RPS6KC1: variants seen among roughly 807,000 people sequenced by gnomAD.
The protein encoded by RPS6KC1 is ribosomal protein S6 kinase C1, also known as inactive ribosomal protein S6 kinase delta-1.
In RPS6KC1, 54 loss-of-function variants were observed where a neutral mutation model predicts 103.8. The ratio of observed to expected loss-of-function variants is 0.52; its 90% confidence interval spans 0.42 to 0.65. The LOEUF (loss-of-function observed/expected upper bound fraction) is 0.65, where lower values mean the gene tolerates loss of function less well. Among genes scored for constraint, RPS6KC1 ranks in the 30% least tolerant of loss-of-function variants. The probability of loss-of-function intolerance (pLI) is 0.00; values close to 1 mark genes in which losing one functional copy is unlikely to be tolerated. For synonymous variants in RPS6KC1, 439 were observed against 438.7 expected (o/e 1.00, Z -0.01); for missense variants, 1,151 against 1,253.8 (o/e 0.92, Z 1.24).
At chr1:213,149,304 T>G (rs2088313994) in intron 6 of RPS6KC1, among the ~76,000 whole-genome samples, 1 of 152,220 alleles carries the variant, frequency 6.6e-6, no homozygotes, top group African/African-American at 2.4e-5. Flanking sequence ...AACTTCCCTC[T>G]CAGTATTGCT....
At chr1:213,480,430 C>T in the RPS6KC1 span, among the ~76,000 whole-genome samples, 1 of 152,012 alleles carries the variant, frequency 6.6e-6, no homozygotes, top group Non-Finnish European at 1.5e-5. Context: ...AATTGGTTAT[C>T]ACTTGTGGTC....
intron 3 of RPS6KC1, among the ~76,000 whole-genome samples, chr1:213,084,117 TCTCA>T (rs2080158712): frequency 6.6e-6 from 1 of 152,140 alleles, no homozygotes; most frequent in Non-Finnish European, 1.5e-5. Context: ...CTGGTGTCTC[TCTCA>T]CTCTTTCTCC....
intron 6 of RPS6KC1, among the ~76,000 whole-genome samples, chr1:213,148,493 A>T (rs1289237613): frequency 6.6e-6 from 1 of 152,154 alleles, no homozygotes; most frequent in Non-Finnish European, 1.5e-5. Flanking sequence ...TGATTTGCAT[A>T]TGTTGAGCCA....
the RPS6KC1 span, among the ~76,000 whole-genome samples, chr1:213,414,370 G>A: frequency 6.6e-6 from 1 of 152,146 alleles, no homozygotes; most frequent in Non-Finnish European, 1.5e-5. Context: ...ATATAATTAA[G>A]GTAAGGATCA....
the RPS6KC1 span, among the ~76,000 whole-genome samples, chr1:213,666,686 A>T: frequency 1.3e-5 from 2 of 152,258 alleles, no homozygotes; most frequent in Non-Finnish European, 1.5e-5. Flanking sequence ...CACCAAATAC[A>T]CAAAAGCAGG....
At chr1:213,481,056 A>G in the RPS6KC1 span, among the ~76,000 whole-genome samples, 1 of 152,048 alleles carries the variant, frequency 6.6e-6, no homozygotes, top group Non-Finnish European at 1.5e-5. Flanking sequence ...TTCATTTGTG[A>G]GATTGGTCTA....
the RPS6KC1 span, among the ~76,000 whole-genome samples, chr1:213,788,566 T>C: frequency 0.01 from 1,589 of 152,156 alleles, 96 homozygotes; most frequent in East Asian, 0.19. Context: ...GGCACACATT[T>C]ATCAGTTCCA....
At chr1:213,257,919 T>C (rs1337126597) in intron 12 of RPS6KC1, among the ~76,000 whole-genome samples, 4 of 144,672 alleles carry the variant, frequency 2.8e-5, no homozygotes, top group Non-Finnish European at 6.0e-5. Flanking sequence ...TCCTCCTATC[T>C]CAGCCTCCCA....
chr1:213,624,787 G>T, the RPS6KC1 span, among the ~76,000 whole-genome samples: 1 of 152,108 alleles, frequency 6.6e-6, no homozygotes, highest in African/African-American at 2.4e-5. Flanking sequence ...GCTCTCTGGG[G>T]TCTCTTTTAT....
the RPS6KC1 span, among the ~76,000 whole-genome samples, chr1:213,724,522 A>G: frequency 6.6e-6 from 1 of 152,186 alleles, no homozygotes; most frequent in Non-Finnish European, 1.5e-5. Context: ...CTGGCAGCAA[A>G]CAAGGGCCAT....
At chr1:213,356,806 T>A in the RPS6KC1 span, among the ~76,000 whole-genome samples, 2 of 152,228 alleles carry the variant, frequency 1.3e-5, no homozygotes, top group South Asian at 4.1e-4. Flanking sequence ...TGGGGTGGCC[T>A]GCTTTCAGGA....
At chr1:213,361,672 G>A in the RPS6KC1 span, among the ~76,000 whole-genome samples, 2 of 152,192 alleles carry the variant, frequency 1.3e-5, no homozygotes, top group African/African-American at 2.4e-5. Flanking sequence ...TTCCTATTCG[G>A]CCATCTTGGA....
At chr1:213,226,627 C>T (rs986206859) in intron 8 of RPS6KC1, among the ~76,000 whole-genome samples, 1 of 152,168 alleles carries the variant, frequency 6.6e-6, no homozygotes, top group African/African-American at 2.4e-5. Flanking sequence ...ATTATGAACT[C>T]TGTGCAATCT....
At chr1:213,290,158 A>AAG in the RPS6KC1 span, among the ~76,000 whole-genome samples, 1 of 151,552 alleles carries the variant, frequency 6.6e-6, no homozygotes, top group Non-Finnish European at 1.5e-5. Flanking sequence ...AAAAAAAAAA[A>AAG]AAAAAAAAAA....
the RPS6KC1 span, among the ~76,000 whole-genome samples, chr1:213,424,059 G>A: frequency 4.6e-5 from 7 of 152,290 alleles, no homozygotes; most frequent in South Asian, 1.0e-3. Flanking sequence ...AAGATGGTCC[G>A]GGATTGTTCT....
At chr1:213,147,463 C>T (rs1055621927) in intron 6 of RPS6KC1, among the ~76,000 whole-genome samples, 24 of 152,154 alleles carry the variant, frequency 1.6e-4, no homozygotes, top group Admixed American at 5.2e-4. Flanking sequence ...GTCTTTTCTT[C>T]AGTGTATGTT....
chr1:213,796,620 C>A, the RPS6KC1 span, among the ~76,000 whole-genome samples: 5 of 152,090 alleles, frequency 3.3e-5, no homozygotes, highest in African/African-American at 1.2e-4. Flanking sequence ...CAGTCACAGG[C>A]GAATCTTGTG....
chr1:213,169,845 G>A (rs1187004102), intron 7 of RPS6KC1, among the ~76,000 whole-genome samples: 5 of 149,016 alleles, frequency 3.4e-5, no homozygotes, highest in East Asian at 3.9e-4. Context: ...GCAGTGGCGC[G>A]ATCTCAGCTC....
chr1:213,736,815 G>T, the RPS6KC1 span, among the ~76,000 whole-genome samples: 1 of 152,210 alleles, frequency 6.6e-6, no homozygotes, highest in Admixed American at 6.5e-5. Context: ...TTGGTCCCAG[G>T]CAAATGAGGA....
Sources: gnomAD v4.1 joint callset for allele counts (sites outside exome capture counted in the v4.1 genomes callset) on GRCh38, gnomAD v4.1.1 for gene constraint, MANE v1.5 for transcripts, NCBI Gene and HGNC (gene_info 2026-07-23, HGNC 2026-07-21) for gene names.